DPYD: variants seen among roughly 807,000 people sequenced by gnomAD.
DPYD encodes dihydropyrimidine dehydrogenase, also known as dihydropyrimidine dehydrogenase [NADP(+)].
A neutral mutation model predicts 116.2 loss-of-function variants in DPYD; 109 were observed. That is an observed-to-expected ratio of 0.94 (90% CI 0.80 to 1.10). DPYD has a LOEUF of 1.10. Ranked by LOEUF, DPYD falls within the 50% of genes least tolerant of loss-of-function variation. The pLI is 0.00. For synonymous variants in DPYD, 440 were observed against 432.0 expected (o/e 1.02, Z -0.23); for missense variants, 1,302 against 1,254.5 (o/e 1.04, Z -0.57).
At chr1:97,418,280 G>A (rs1345371008) in intron 14 of DPYD, among the ~76,000 whole-genome samples, 1 of 150,376 alleles carries the variant, frequency 6.6e-6, no homozygotes, top group East Asian at 2.0e-4. Context: ...ATTGCCTCTA[G>A]TTCTAATTGA....
rs1570860188 is a variant in DPYD, at chr1:97,506,980, G to C, written c.1740+8746C>G. On this transcript the variant is annotated intron_variant, in intron 13 of 22. Coordinates refer to ENST00000370192, the MANE Select transcript of DPYD (RefSeq NM_000110.4). ...ATTAGATTCTAACTTGCAAGATTTAGCTTCAATATTGAATGTGTACACACG... is the reference window on the plus strand; with the variant it reads ...ATTAGATTCTAACTTGCAAGATTTACCTTCAATATTGAATGTGTACACACG... Among the ~76,000 whole-genome samples the C allele has an allele frequency of 2.0e-5, 3 of 152,074 alleles. No homozygotes were observed. In the East Asian group the frequency reaches 5.8e-4, roughly 30 times the overall value.
chr1:97,085,515 T>C (rs1649451756), intron 21 of DPYD, among the ~76,000 whole-genome samples: 1 of 152,266 alleles, frequency 6.6e-6, no homozygotes, highest in African/African-American at 2.4e-5. Context: ...AAGAAAATTA[T>C]ATTTTTTTCT....
chr1:97,525,883 TGTGCGC>T (rs761018265), intron 12 of DPYD, among the ~76,000 whole-genome samples: 1 of 68,088 alleles, frequency 1.5e-5, no homozygotes. Flanking sequence ...TGTGTGTGTG[TGTGCGC>T]GCGCGCGTGT....
chr1:97,807,103 AAT>A (rs1193206114), intron 3 of DPYD, among the ~76,000 whole-genome samples: 2 of 152,074 alleles, frequency 1.3e-5, no homozygotes, highest in Non-Finnish European at 2.9e-5. Flanking sequence ...AACAATTATG[AAT>A]AAAACTGCAG....
chr1:97,117,658 G>C (rs1652083046), intron 20 of DPYD, among the ~76,000 whole-genome samples: 1 of 152,024 alleles, frequency 6.6e-6, no homozygotes. Context: ...AAGTGAAAAT[G>C]GTCTATAATT....
At chr1:97,425,478 A>G (rs1253757635) in intron 14 of DPYD, among the ~76,000 whole-genome samples, 1 of 152,142 alleles carries the variant, frequency 6.6e-6, no homozygotes, top group Admixed American at 6.6e-5. Flanking sequence ...AGGGAAACTT[A>G]GAGATTTCGG....
In DPYD at chr1:97,382,428, T is replaced by A; in HGVS notation, c.1939A>T (p.Lys647Ter). The change falls in exon 15 of 23, where the codon AAA becomes TAA. Residue 647 changes from lysine (K) to a stop codon, truncating the protein, a stop_gained. Coordinates refer to ENST00000370192, the MANE Select transcript of DPYD (RefSeq NM_000110.4). LOFTEE classifies it high-confidence loss of function. ...VIASIMCSYNKNDWTELAKKS... is the reference protein window; with the variant it reads ...VIASIMCSYN ...TTGGCAAGTTCCGTCCAGTCATTTT[T>A]ATTGTAACTGCACATAATGCTAGCA... 6.3e-7 allele frequency: 1 copy of A among 1,599,458 alleles called. No homozygotes were observed. The highest frequency in any genetic ancestry group is 8.5e-7 in the Non-Finnish European group (1 of 1,172,552).
chr1:97,778,841 A>C (rs1181260788), intron 3 of DPYD, among the ~76,000 whole-genome samples: 1 of 152,206 alleles, frequency 6.6e-6, no homozygotes, highest in Non-Finnish European at 1.5e-5. Context: ...CCTCAAAAAA[A>C]ATCTACAGGG....
At chr1:97,218,374 T>G (rs1307797106) in intron 19 of DPYD, among the ~76,000 whole-genome samples, 1 of 151,994 alleles carries the variant, frequency 6.6e-6, no homozygotes, top group Non-Finnish European at 1.5e-5. Context: ...TACTTGGTAT[T>G]AGGTATATAC....
intron 13 of DPYD, among the ~76,000 whole-genome samples, chr1:97,506,003 T>G (rs1647295313): frequency 6.6e-6 from 1 of 151,968 alleles, no homozygotes; most frequent in Non-Finnish European, 1.5e-5. Context: ...AATATTTAAC[T>G]AACACACCAG....
intron 13 of DPYD, among the ~76,000 whole-genome samples, chr1:97,472,159 T>G (rs1287143876): frequency 6.6e-6 from 1 of 152,218 alleles, no homozygotes; most frequent in Admixed American, 6.5e-5. Context: ...GCACAATAAT[T>G]AGAAACTACT....
intron 5 of DPYD, chr1:97,700,304 T>C (rs1230116640): frequency 2.2e-6 from 1 of 455,756 alleles, no homozygotes. Context: ...GCCATTAACC[T>C]AGAGCAAAAT....
At chr1:97,726,847 C>T (rs570466370) in intron 4 of DPYD, among the ~76,000 whole-genome samples, 6 of 151,594 alleles carry the variant, frequency 4.0e-5, no homozygotes, top group Non-Finnish European at 5.9e-5. Flanking sequence ...AAAAGAGACA[C>T]GTTTGAAAAA....
chr1:97,785,679 C>CTG, intron 3 of DPYD, among the ~76,000 whole-genome samples: 1 of 120,432 alleles, frequency 8.3e-6, no homozygotes, highest in African/African-American at 3.3e-5. Context: ...GGGCCACTGA[C>CTG]TCTTTTTTTT....
chr1:97,166,825 T>C (rs1404609281), intron 20 of DPYD, among the ~76,000 whole-genome samples: 1 of 152,194 alleles, frequency 6.6e-6, no homozygotes, highest in Non-Finnish European at 1.5e-5. Context: ...AAGCAAGAAT[T>C]GCCAAACTTG....
chr1:97,664,949 C>A (rs1659478948), intron 8 of DPYD, among the ~76,000 whole-genome samples: 1 of 152,098 alleles, frequency 6.6e-6, no homozygotes, highest in Non-Finnish European at 1.5e-5. Context: ...GATTGCTTTA[C>A]CACTAAAAGT....
intron 20 of DPYD, among the ~76,000 whole-genome samples, chr1:97,118,166 G>C (rs759021829): frequency 6.7e-6 from 1 of 149,174 alleles, no homozygotes; most frequent in Non-Finnish European, 1.5e-5. Context: ...CTTTTCTTTC[G>C]GTTCTTCCTA....
At chr1:97,216,225 A>G (rs2101882182) in intron 19 of DPYD, among the ~76,000 whole-genome samples, 1 of 152,288 alleles carries the variant, frequency 6.6e-6, no homozygotes, top group East Asian at 1.9e-4. Flanking sequence ...CTGAACTGTA[A>G]CTTTGATGCC....
intron 16 of DPYD, among the ~76,000 whole-genome samples, chr1:97,316,679 T>G (rs1316889596): frequency 6.6e-6 from 1 of 151,798 alleles, no homozygotes; most frequent in Admixed American, 6.6e-5. Context: ...CCATTCTGCT[T>G]GTTTGAAGTC....
Sources: allele counts gnomAD v4.1 joint callset (sites outside exome capture counted in the v4.1 genomes callset), GRCh38; gene constraint gnomAD v4.1.1; transcripts MANE v1.5; gene names NCBI Gene and HGNC (gene_info 2026-07-23, HGNC 2026-07-21).